Variants in MAST4 observed in about 807,000 individuals in gnomAD.
MAST4 encodes microtubule-associated serine/threonine-protein kinase 4.
MAST4 carries 89 observed loss-of-function variants against 162.7 expected under a neutral mutation model. The observed-to-expected ratio is 0.55, with a 90% confidence interval of 0.46 to 0.65. MAST4 has a LOEUF of 0.65. MAST4 is among the 30% of genes least tolerant of loss of function. MAST4 has a pLI of 0.00. For synonymous variants in MAST4, 1,479 were observed against 1,361.1 expected (o/e 1.09, Z -1.91); for missense variants, 3,153 against 3,374.0 (o/e 0.93, Z 1.62).
At chr5:66,610,327 T>C (rs757656535) in intron 1 of MAST4, among the ~76,000 whole-genome samples, 5 of 152,222 alleles carry the variant, frequency 3.3e-5, no homozygotes, top group Non-Finnish European at 7.3e-5. Context: ...GTAATCCTTG[T>C]CTACCTCCAC....
intron 26 of MAST4, among the ~76,000 whole-genome samples, chr5:67,156,830 G>T (rs1468625655): frequency 6.6e-6 from 1 of 152,192 alleles, no homozygotes; most frequent in Non-Finnish European, 1.5e-5. Context: ...CAGTCGTTCG[G>T]TGAGTTACCC....
intron 26 of MAST4, among the ~76,000 whole-genome samples, chr5:67,154,524 T>A (rs1324385999): frequency 6.6e-6 from 1 of 152,202 alleles, no homozygotes; most frequent in African/African-American, 2.4e-5. Context: ...AATTTGAATG[T>A]GTATTTCCCC....
intron 4 of MAST4, among the ~76,000 whole-genome samples, chr5:66,936,153 C>T (rs1260242365): frequency 6.6e-6 from 1 of 152,160 alleles, no homozygotes; most frequent in Non-Finnish European, 1.5e-5. Flanking sequence ...ATTCTGGTTT[C>T]AAAACGAGAA....
At chr5:66,782,081 G>A (rs1466292847) in intron 2 of MAST4, among the ~76,000 whole-genome samples, 1 of 152,060 alleles carries the variant, frequency 6.6e-6, no homozygotes, top group Non-Finnish European at 1.5e-5. Flanking sequence ...TTGAGGTCAG[G>A]AGTTTGAGGC....
At chr5:66,810,074 G>A (rs1329960667) in intron 3 of MAST4, among the ~76,000 whole-genome samples, 1 of 152,176 alleles carries the variant, frequency 6.6e-6, no homozygotes, top group East Asian at 1.9e-4. Flanking sequence ...CAGTCCCTGG[G>A]GGGTGGACTC....
chr5:66,617,904 C>T (rs1020228297), intron 1 of MAST4, among the ~76,000 whole-genome samples: 2 of 152,172 alleles, frequency 1.3e-5, no homozygotes, highest in African/African-American at 4.8e-5. Flanking sequence ...AGCTTGTGTT[C>T]CTGGCAGCTG....
intron 1 of MAST4, among the ~76,000 whole-genome samples, chr5:66,743,720 CAG>C (rs1752596105): frequency 6.6e-6 from 1 of 152,176 alleles, no homozygotes; most frequent in Admixed American, 6.5e-5. Flanking sequence ...GAAACCCAGT[CAG>C]ATAGAATTCA....
intron 3 of MAST4, among the ~76,000 whole-genome samples, chr5:66,812,611 G>A (rs947476217): frequency 6.6e-6 from 1 of 152,246 alleles, no homozygotes; most frequent in African/African-American, 2.4e-5. Context: ...CTTGCATCGT[G>A]TGAAGTGGGT....
At chr5:67,054,638 T>A (rs1011416169) in intron 5 of MAST4, 146 bp downstream of exon 5, 2 of 705,712 alleles carry the variant, frequency 2.8e-6, no homozygotes, top group Non-Finnish European at 4.6e-6. Context: ...CTTTGCGATA[T>A]GTTAGCCCAG....
intron 4 of MAST4, among the ~76,000 whole-genome samples, chr5:66,910,729 GTTTTTTTTTTTC>G (rs1387614559): frequency 8.9e-6 from 1 of 112,806 alleles, no homozygotes; most frequent in Non-Finnish European, 1.7e-5. Context: ...TACACATGTG[GTTTTTTTTTTTC>G]TTTTTTTTTT....
At chr5:66,798,190 C>G (rs764296736) in intron 3 of MAST4, among the ~76,000 whole-genome samples, 2 of 152,146 alleles carry the variant, frequency 1.3e-5, no homozygotes, top group Non-Finnish European at 2.9e-5. Context: ...ACTGTGAGAT[C>G]TTTGTGATCT....
chr5:66,778,206 A>G (rs1048220453), intron 2 of MAST4, among the ~76,000 whole-genome samples: 10 of 152,160 alleles, frequency 6.6e-5, no homozygotes, highest in African/African-American at 2.4e-4. Context: ...TTAAAAATCA[A>G]TTTTAAGTTG....
chr5:66,696,289 C>G (rs1302018186), intron 1 of MAST4, among the ~76,000 whole-genome samples: 1 of 151,872 alleles, frequency 6.6e-6, no homozygotes, highest in Non-Finnish European at 1.5e-5. Flanking sequence ...ATAGGTGCAG[C>G]AAATCACCAT....
At chr5:66,774,194 G>C (rs1239320432) in intron 2 of MAST4, among the ~76,000 whole-genome samples, 1 of 152,150 alleles carries the variant, frequency 6.6e-6, no homozygotes, top group Non-Finnish European at 1.5e-5. Context: ...AAGGAAAAAG[G>C]GTTTAGATTG....
Position 67,167,779 on chromosome 5 carries a change from C to T in MAST4, c.*728C>T, listed in dbSNP as rs1291248084. On this transcript the variant is annotated 3_prime_UTR_variant, in exon 29 of 29. Coordinates refer to ENST00000403625, the MANE Select transcript of MAST4 (RefSeq NM_001164664.2). Reference sequence around the variant, plus strand: ...AATGGCCAGGACAAGTGGAGCTAGCCATTTTCATTACACGGCCATCCCAAT... The same window carrying T: ...AATGGCCAGGACAAGTGGAGCTAGCTATTTTCATTACACGGCCATCCCAAT... 2.0e-5 allele frequency: 3 copies of T among 152,220 alleles called. No homozygotes were observed. Among genetic ancestry groups the T allele is most frequent in the Non-Finnish European group, 4.4e-5 (3 of 68,036 alleles). The allele number at this position is 152,220 out of a possible 1,614,324, so 9.4% of individuals were successfully genotyped here.
chr5:67,125,071 G>A lies in MAST4; in HGVS notation c.1745+3969G>A, dbSNP rs1180180970. On this transcript the variant is annotated intron_variant, in intron 14 of 28. Coordinates refer to ENST00000403625, the MANE Select transcript of MAST4 (RefSeq NM_001164664.2). ...CATAATATACGTCCAAGGCTCCTCAGCACTAAACTTACTAAAAAACAACTA... is the reference window on the plus strand; with the variant it reads ...CATAATATACGTCCAAGGCTCCTCAACACTAAACTTACTAAAAAACAACTA... Among the ~76,000 whole-genome samples, 3 of 152,010 alleles carry A rather than the reference G, an allele frequency of 2.0e-5. No homozygotes were observed. The South Asian group carries it at 6.2e-4, about 32-fold the overall frequency.
At chr5:66,667,276 T>C (rs1374758567) in intron 1 of MAST4, among the ~76,000 whole-genome samples, 1 of 152,182 alleles carries the variant, frequency 6.6e-6, no homozygotes, top group Non-Finnish European at 1.5e-5. Flanking sequence ...TGTATGGGCG[T>C]TTGATTCATT....
intron 4 of MAST4, among the ~76,000 whole-genome samples, chr5:67,051,185 GA>G (rs34481186): frequency 1.5e-4 from 18 of 121,670 alleles, no homozygotes; most frequent in South Asian, 2.6e-4. Context: ...GACTTTGCTT[GA>G]AAAAAAAAAA....
chr5:67,155,707 T>C (rs1772401521), intron 26 of MAST4, among the ~76,000 whole-genome samples: 1 of 152,094 alleles, frequency 6.6e-6, no homozygotes, highest in African/African-American at 2.4e-5. Context: ...TCCTCCCATA[T>C]CTGTCAAGCC....
Sources: allele counts gnomAD v4.1 joint callset (sites outside exome capture counted in the v4.1 genomes callset), GRCh38; gene constraint gnomAD v4.1.1; transcripts MANE v1.5; gene names NCBI Gene and HGNC (gene_info 2026-07-23, HGNC 2026-07-21).